The following LAMB4 variants were observed in gnomAD, a reference collection of about 807,000 sequenced individuals.
LAMB4 encodes the protein laminin subunit beta 4, also known as laminin subunit beta-4.
Under a neutral mutation model 199.2 loss-of-function variants are expected in LAMB4, and 196 were observed. The ratio of observed to expected loss-of-function variants is 0.98; its 90% CI spans 0.88 to 1.11. The LOEUF is 1.11. LAMB4 is among the 50% of genes least tolerant of loss of function. The pLI, the probability that LAMB4 is intolerant of heterozygous loss-of-function variation, is 0.00. For missense variants in LAMB4, 2,080 were observed against 2,171.2 expected (o/e 0.96, Z 0.83); for synonymous variants, 744 against 770.6 (o/e 0.97, Z 0.57).
intron 31 of LAMB4, among the ~76,000 whole-genome samples, chr7:108,032,280 C>G (rs1280631883): frequency 6.6e-6 from 1 of 152,052 alleles, no homozygotes; most frequent in Admixed American, 6.6e-5. Context: ...ATCCCAGCTA[C>G]TCGGGAGGCT....
chr7:108,075,835 C>G (rs2036679889), intron 17 of LAMB4: 1 of 159,100 alleles, frequency 6.3e-6, no homozygotes, highest in Admixed American at 6.4e-5. Flanking sequence ...TGGCGGGTGC[C>G]TGTAATCCCA....
intron 1 of LAMB4, 149 bp from the exon 2 acceptor site, chr7:108,123,346 A>G (rs1199062701): frequency 2.4e-5 from 10 of 418,416 alleles, no homozygotes; most frequent in Non-Finnish European, 4.2e-5. Context: ...AAAAAATAAG[A>G]GTGCATAAAC....
intron 6 of LAMB4, 38 bp from the exon 7 acceptor site, chr7:108,106,610 C>G: frequency 8.7e-7 from 1 of 1,146,766 alleles, no homozygotes; most frequent in Non-Finnish European, 1.3e-6. Flanking sequence ...AGTATATTAC[C>G]TGAAAACGTA....
At position 108,043,172 on chromosome 7, in the gene LAMB4, AT is replaced by A. The variant is rs997915680; in HGVS notation, c.4471+579del. Among the ~76,000 whole-genome samples the A allele has an allele frequency of 9.2e-5, 14 of 151,976 alleles. No homozygotes were observed. In the East Asian group the frequency reaches 9.6e-4, roughly 10 times the overall value. On this transcript the variant is annotated intron_variant, in intron 29 of 33. Coordinates refer to ENST00000388781, the MANE Select transcript of LAMB4 (RefSeq NM_007356.3). ...GGAAAATAGTCAATAATAGCTAATAATTTTTTTTAGATGCCAACTCCCTATG... is the reference window on the plus strand; with the variant it reads ...GGAAAATAGTCAATAATAGCTAATAATTTTTTTAGATGCCAACTCCCTATG...
At chr7:108,045,152 CTTAA>C (rs1422914264) in intron 28 of LAMB4, among the ~76,000 whole-genome samples, 1 of 151,800 alleles carries the variant, frequency 6.6e-6, no homozygotes, top group Non-Finnish European at 1.5e-5. Flanking sequence ...AGAGTTGTTA[CTTAA>C]TTCTCTAGAA....
At chr7:108,094,556 T>C (rs887935861) in intron 12 of LAMB4, among the ~76,000 whole-genome samples, 1 of 148,278 alleles carries the variant, frequency 6.7e-6, no homozygotes, top group Non-Finnish European at 1.5e-5. Flanking sequence ...ACTGTTCTTT[T>C]ATTAGGTTAA....
chr7:108,115,978 A>G, intron 3 of LAMB4, 26 bp downstream of exon 3: 1 of 1,601,822 alleles, frequency 6.2e-7, no homozygotes, highest in Non-Finnish European at 8.5e-7. Context: ...ATAATGTCCC[A>G]GCAAATAAAC....
intron 25 of LAMB4, 127 bp from the exon 26 acceptor site, chr7:108,052,384 GT>G: frequency 1.6e-6 from 1 of 632,322 alleles, no homozygotes; most frequent in Non-Finnish European, 2.6e-6. Context: ...TTCTACTCGA[GT>G]TTTTCATTTG....
At chr7:108,054,435 GATA>G (rs2035917574) in intron 25 of LAMB4, among the ~76,000 whole-genome samples, 2 of 152,082 alleles carry the variant, frequency 1.3e-5, no homozygotes, top group South Asian at 2.1e-4. Flanking sequence ...TTTCCCTATA[GATA>G]ATGAGTTACC....
intron 4 of LAMB4, among the ~76,000 whole-genome samples, chr7:108,111,336 A>G (rs2038216454): frequency 6.6e-6 from 1 of 152,240 alleles, no homozygotes; most frequent in African/African-American, 2.4e-5. Context: ...CTATCCTTTC[A>G]ATTCAGAGAT....
chr7:108,070,782 A>G (rs75884076), intron 17 of LAMB4, among the ~76,000 whole-genome samples: 2,899 of 152,256 alleles, frequency 0.019, 86 homozygotes, highest in African/African-American at 0.066. Context: ...TAGGTTTTTG[A>G]CTGCATGGGG....
chr7:108,069,626 A>T (rs2036461678), intron 18 of LAMB4, 82 bp downstream of exon 18: 2 of 1,316,850 alleles, frequency 1.5e-6, no homozygotes, highest in Non-Finnish European at 1.1e-6. Context: ...TTTGGAGTGG[A>T]TGCTAACATA....
At chr7:108,039,884 T>C (rs1292946841) in intron 29 of LAMB4, among the ~76,000 whole-genome samples, 2 of 152,224 alleles carry the variant, frequency 1.3e-5, no homozygotes, top group East Asian at 3.8e-4. Context: ...TTACCACTCC[T>C]GTTCAACATA....
chr7:108,037,958 C>T (rs1051327142), intron 29 of LAMB4, among the ~76,000 whole-genome samples: 2 of 152,132 alleles, frequency 1.3e-5, no homozygotes, highest in African/African-American at 4.8e-5. Flanking sequence ...GATTTAAGCA[C>T]AATGAATGAG....
At chr7:108,067,429 G>A (rs959336213) in intron 19 of LAMB4, among the ~76,000 whole-genome samples, 1 of 152,248 alleles carries the variant, frequency 6.6e-6, no homozygotes, top group African/African-American at 2.4e-5. Context: ...ACTGTGAAGA[G>A]AGAACTATAT....
At chr7:108,110,603 G>A (rs1196172530) in intron 4 of LAMB4, among the ~76,000 whole-genome samples, 1 of 152,180 alleles carries the variant, frequency 6.6e-6, no homozygotes, top group Non-Finnish European at 1.5e-5. Flanking sequence ...CTAGGAAAGA[G>A]ATCTGTCCCT....
downstream of LAMB4, among the ~76,000 whole-genome samples, chr7:108,022,348 T>C (rs999014433): frequency 6.6e-6 from 1 of 152,212 alleles, no homozygotes; most frequent in Non-Finnish European, 1.5e-5. Context: ...GCCACAAAGC[T>C]TTTCCCTCCA....
At chr7:108,117,893 C>T (rs373341856) in intron 2 of LAMB4, among the ~76,000 whole-genome samples, 7 of 152,240 alleles carry the variant, frequency 4.6e-5, no homozygotes, top group East Asian at 1.9e-4. Flanking sequence ...GTCACTGTCG[C>T]GGCCATCTTG....
downstream of LAMB4, among the ~76,000 whole-genome samples, chr7:108,021,480 C>T (rs973260633): frequency 6.6e-5 from 10 of 152,176 alleles, no homozygotes; most frequent in South Asian, 4.2e-4. Context: ...GAGGCCGAGG[C>T]GGGTGGATCA....
Sources: gnomAD v4.1 joint callset for allele counts (sites outside exome capture counted in the v4.1 genomes callset) on GRCh38, gnomAD v4.1.1 for gene constraint, MANE v1.5 for transcripts, NCBI Gene and HGNC (gene_info 2026-07-23, HGNC 2026-07-21) for gene names.